PLEKHB1: variants seen among roughly 807,000 people sequenced by gnomAD.
PLEKHB1 encodes the protein pleckstrin homology domain containing B1, also known as pleckstrin homology domain-containing family B member 1.
Under a neutral mutation model 36.2 loss-of-function variants are expected in PLEKHB1, and 29 were observed. That is an observed-to-expected ratio of 0.80 (90% CI 0.60 to 1.09). PLEKHB1 has a LOEUF of 1.09. PLEKHB1 is among the 50% of genes least tolerant of loss of function. The pLI is 0.00. For missense variants in PLEKHB1, 330 were observed against 348.2 expected (o/e 0.95, Z 0.42); for synonymous variants, 138 against 140.0 (o/e 0.99, Z 0.10).
chr11:73,652,023 G>A, intron 4 of PLEKHB1, 133 bp downstream of exon 4: 1 of 730,310 alleles, frequency 1.4e-6, no homozygotes, highest in South Asian at 1.8e-5. Flanking sequence ...AGTCTTATTG[G>A]AGGCGGGTGG....
At chr11:73,655,503 G>A (rs1205788346) in intron 5 of PLEKHB1, among the ~76,000 whole-genome samples, 7 of 152,192 alleles carry the variant, frequency 4.6e-5, no homozygotes, top group Admixed American at 2.6e-4. Context: ...AGGACAGAAG[G>A]GAGTCGCCCT....
chr11:73,650,531 G>C, intron 2 of PLEKHB1, 22 bp from the exon 3 acceptor site: 1 of 1,592,984 alleles, frequency 6.3e-7, no homozygotes, highest in Non-Finnish European at 8.5e-7. Context: ...AGCCTGCCTA[G>C]TGCATCTGGA....
At chr11:73,651,181 C>T (rs1944883670) in intron 3 of PLEKHB1, among the ~76,000 whole-genome samples, 1 of 151,708 alleles carries the variant, frequency 6.6e-6, no homozygotes, top group South Asian at 2.1e-4. Context: ...AAAACCCCGT[C>T]TCTACCAAAA....
chr11:73,656,901 C>T lies in PLEKHB1; in HGVS notation c.495+994C>T, dbSNP rs563751764. Among the ~76,000 whole-genome samples, 68 of 152,286 alleles carry T rather than the reference C, an allele frequency of 4.5e-4. No homozygotes were observed. In the South Asian group the frequency reaches 0.014, roughly 31 times the overall value. ...GGCCTGGTGGCTGACACCTATAATC[C>T]CAGAACTTTGGGAGGCTGAGGCGGG... On this transcript the variant is annotated intron_variant, in intron 6 of 7. Coordinates refer to ENST00000354190, the MANE Select transcript of PLEKHB1 (RefSeq NM_021200.3).
At chr11:73,655,963 A>G in intron 6 of PLEKHB1, 56 bp downstream of exon 6, 2 of 1,460,158 alleles carry the variant, frequency 1.4e-6, no homozygotes, top group Middle Eastern at 1.7e-4. Flanking sequence ...ATGAGCCTCC[A>G]AAACCAGGCC....
chr11:73,647,830 G>T (rs1944797795), intron 1 of PLEKHB1: 1 of 976,374 alleles, frequency 1.0e-6, no homozygotes, highest in Non-Finnish European at 1.2e-6. Flanking sequence ...GGAGGGAGCG[G>T]CAAGAGGAAC....
intron 2 of PLEKHB1, 92 bp from the exon 3 acceptor site, chr11:73,650,461 T>C: frequency 1.4e-6 from 2 of 1,392,352 alleles, no homozygotes; most frequent in Non-Finnish European, 1.9e-6. Flanking sequence ...CACTAGGGAC[T>C]GAGGCTGAGG....
rs1202867558 is a variant in PLEKHB1 at position 73,649,099 on chromosome 11, TG to T, written c.94+15del. 2 of 1,587,168 alleles carry T rather than the reference TG, an allele frequency of 1.3e-6. No individual in the cohort carries two copies. The highest frequency in any genetic ancestry group is 2.3e-5 in the East Asian group (1 of 43,654). On this transcript the variant is annotated intron_variant, in intron 2 of 7. Transcript: ENST00000354190. ...GCTGTGGAGACAGAGTGAGTGATCC[TG>T]GGCCCCTGGTCCTGGGGCAGGGTGA...
intron 5 of PLEKHB1, among the ~76,000 whole-genome samples, chr11:73,653,747 T>C (rs1944943835): frequency 6.6e-6 from 1 of 152,052 alleles, no homozygotes; most frequent in South Asian, 2.1e-4. Context: ...TTAAGACATT[T>C]GGCAAGTTGA....
intron 5 of PLEKHB1, among the ~76,000 whole-genome samples, chr11:73,655,018 C>G (rs1442530170): frequency 6.6e-6 from 1 of 152,146 alleles, no homozygotes; most frequent in East Asian, 1.9e-4. Context: ...GGACCCAGGT[C>G]AGGCTACCCT....
At chr11:73,660,289 C>T (rs1007621747) in intron 6 of PLEKHB1, 2 of 168,860 alleles carry the variant, frequency 1.2e-5, no homozygotes, top group South Asian at 1.4e-4. Flanking sequence ...GTTTAAAAGA[C>T]GCATAACTGT....
intron 4 of PLEKHB1, chr11:73,652,174 G>T: frequency 2.2e-6 from 1 of 446,712 alleles, no homozygotes; most frequent in South Asian, 2.5e-5. Flanking sequence ...CGGCCTCTGA[G>T]GTGAGCCCTC....
At chr11:73,650,736 G>A (rs7940286) in intron 3 of PLEKHB1, 31 bp downstream of exon 3, 70,112 of 1,565,956 alleles carry the variant, frequency 0.045, 1,886 homozygotes, top group African/African-American at 0.1. Flanking sequence ...CTGTGGCACC[G>A]TGACTGTGGG....
chr11:73,655,811 TG>T lies in PLEKHB1; in HGVS notation c.401del (p.Gly134GlufsTer18). On this transcript the variant is annotated frameshift_variant, in exon 6 of 8. Coordinates refer to ENST00000354190, the MANE Select transcript of PLEKHB1 (RefSeq NM_021200.3). LOFTEE classifies it high-confidence loss of function. Reference sequence around the variant, plus strand: ...TTCTGTGGCTTGAGCAGGCCCCAGCTGGAGCCACCGTCCCTCCCAGGAGCCG... The same window carrying T: ...TTCTGTGGCTTGAGCAGGCCCCAGCTGAGCCACCGTCCCTCCCAGGAGCCG... The part of the protein sequence containing the change: ...LEANSTPAPA[G>X]ATVPPRSRRV... The T allele has an allele frequency of 6.2e-7, 1 of 1,613,488 alleles. No individual in the cohort carries two copies.
chr11:73,656,505 G>A (rs1244825678), intron 6 of PLEKHB1, among the ~76,000 whole-genome samples: 1 of 152,152 alleles, frequency 6.6e-6, no homozygotes, highest in Non-Finnish European at 1.5e-5. Context: ...GCAAAGGAAG[G>A]AAGGAGGGAG....
intron 6 of PLEKHB1, 37 bp from the exon 7 acceptor site, chr11:73,660,716 G>A (rs757550929): frequency 3.2e-6 from 5 of 1,553,170 alleles, no homozygotes; most frequent in Admixed American, 1.9e-5. Context: ...TCCGGGCCAG[G>A]GAGTTCCTGG....
At chr11:73,648,744 T>C (rs1944821444) in intron 1 of PLEKHB1, 1 of 1,226,640 alleles carries the variant, frequency 8.2e-7, no homozygotes, top group Non-Finnish European at 1.0e-6. Flanking sequence ...AGGAGGGATA[T>C]GGCCAAAGTT....
chr11:73,657,041 G>A (rs1397101991), intron 6 of PLEKHB1, among the ~76,000 whole-genome samples: 1 of 152,144 alleles, frequency 6.6e-6, no homozygotes, highest in Non-Finnish European at 1.5e-5. Context: ...TCAGGAGGCT[G>A]AGGCAGGAGA....
intron 3 of PLEKHB1, among the ~76,000 whole-genome samples, chr11:73,651,197 A>G (rs1044591601): frequency 2.6e-5 from 4 of 151,704 alleles, no homozygotes; most frequent in African/African-American, 7.3e-5. Flanking sequence ...CAAAACAAAA[A>G]CAAACAAAAA....
Sources: gnomAD v4.1 joint callset for allele counts (sites outside exome capture counted in the v4.1 genomes callset) on GRCh38, gnomAD v4.1.1 for gene constraint, MANE v1.5 for transcripts, NCBI Gene and HGNC (gene_info 2026-07-23, HGNC 2026-07-21) for gene names.